Variants in CDON observed in about 807,000 individuals in gnomAD.
CDON encodes the protein cell adhesion associated, oncogene regulated.
Under a neutral mutation model 120.9 loss-of-function variants are expected in CDON, and 73 were observed. The ratio of observed to expected loss-of-function variants is 0.60; its 90% CI spans 0.50 to 0.73. CDON has a LOEUF of 0.73. Among genes scored for constraint, CDON ranks in the 30% least tolerant of loss-of-function variants. The pLI, the probability that CDON is intolerant of heterozygous loss-of-function variation, is 0.00. For synonymous variants in CDON, 566 were observed against 573.5 expected (o/e 0.99, Z 0.19); for missense variants, 1,470 against 1,587.3 (o/e 0.93, Z 1.26).
At position 126,015,379 on chromosome 11, in the gene CDON, G is replaced by A; in HGVS notation, c.1060C>T (p.Pro354Ser). The A allele has an allele frequency of 6.2e-7, 1 of 1,614,168 alleles. No homozygotes were observed. The highest frequency in any genetic ancestry group is 8.5e-7 in the Non-Finnish European group (1 of 1,180,036). The change falls in exon 7 of 20, where the codon CCT (proline) becomes TCT (serine). Residue 354 changes from proline to serine, a missense_variant. Coordinates refer to ENST00000531738, the MANE Select transcript of CDON (RefSeq NM_001378964.1). ...TWFHNAQPIH[P>S]SARHLTAGNG... is the part of the protein sequence containing the mutation. ...CCTGCAGTTAGATGTCGTGCAGAAGGATGAATAGGCTGTGCATTGTGAAAC... is the reference window on the plus strand; with the variant it reads ...CCTGCAGTTAGATGTCGTGCAGAAGAATGAATAGGCTGTGCATTGTGAAAC...
intron 1 of CDON, among the ~76,000 whole-genome samples, chr11:126,049,943 C>T (rs572765213): frequency 6.6e-5 from 10 of 152,254 alleles, no homozygotes; most frequent in African/African-American, 2.4e-4. Flanking sequence ...GGCTTTCATA[C>T]TTCATATTCA....
rs550396479 is a variant in CDON, at chr11:126,045,128, C to T, written c.-62+17451G>A. On this transcript the variant is annotated intron_variant, in intron 1 of 19. Coordinates refer to ENST00000531738, the MANE Select transcript of CDON (RefSeq NM_001378964.1). ...GCAACCTCCGCCTCCAGGGTGCAAGCGATTCTCCTGCCTCAGCCTCCCGAG... is the reference window on the plus strand; with the variant it reads ...GCAACCTCCGCCTCCAGGGTGCAAGTGATTCTCCTGCCTCAGCCTCCCGAG... 2.7e-3 allele frequency among the ~76,000 whole-genome samples: 414 copies of T among 152,298 alleles called. 2 individuals carry two copies. Among genetic ancestry groups the T allele is most frequent in the Non-Finnish European group, 3.7e-3 (255 of 68,032 alleles).
intron 12 of CDON, 147 bp from the exon 13 acceptor site, chr11:125,995,199 G>A: frequency 1.4e-6 from 1 of 734,196 alleles, no homozygotes; most frequent in Non-Finnish European, 2.3e-6. Context: ...AGCCTGTATG[G>A]TAAATAGATT....
At chr11:126,032,670 T>C (rs756045607) in intron 1 of CDON, among the ~76,000 whole-genome samples, 2 of 152,122 alleles carry the variant, frequency 1.3e-5, no homozygotes, top group Non-Finnish European at 2.9e-5. Flanking sequence ...ACGGGATAAA[T>C]TTGAAAGGTT....
chr11:126,017,326 T>C lies in CDON; in HGVS notation c.690A>G (p.Ala230=), dbSNP rs1195993404. ...CAGGGCTACGAGAAAGAACAGCTAATGCCTGTGAATGGGTGGGGTGAAGAA... is the reference window on the plus strand; with the variant it reads ...CAGGGCTACGAGAAAGAACAGCTAACGCCTGTGAATGGGTGGGGTGAAGAA... The part of the protein sequence containing the change: ...VHILHPTHSQ[A]LAVLSRSPVT... The change falls in exon 6 of 20, where the codon GCA becomes GCG. Residue 230 remains alanine, a synonymous_variant. Coordinates refer to ENST00000531738, the MANE Select transcript of CDON (RefSeq NM_001378964.1). 1.2e-6 allele frequency: 2 copies of C among 1,614,134 alleles called. No homozygotes were observed. Among genetic ancestry groups the C allele is most frequent in the East Asian group, 4.5e-5 (2 of 44,876 alleles).
intron 1 of CDON, among the ~76,000 whole-genome samples, chr11:126,025,144 G>A (rs11220317): frequency 0.062 from 9,480 of 152,200 alleles, 360 homozygotes; most frequent in Admixed American, 0.11. Flanking sequence ...GGTGGAGGTT[G>A]CAGTGAGCCA....
At chr11:126,017,460 T>C (rs2134671705) in intron 5 of CDON, 85 bp from the exon 6 acceptor site, 2 of 1,283,584 alleles carry the variant, frequency 1.6e-6, no homozygotes, top group East Asian at 4.7e-5. Flanking sequence ...ATCACCATTT[T>C]CCCATGTATT....
chr11:126,037,496 ATATATTGAGTACC>A (rs1300719835), intron 1 of CDON, among the ~76,000 whole-genome samples: 1 of 152,230 alleles, frequency 6.6e-6, no homozygotes, highest in Non-Finnish European at 1.5e-5. Context: ...TAGAGCAAAA[ATATATTGAGTACC>A]TATATTCAAA....
intron 16 of CDON, 125 bp from the exon 17 acceptor site, chr11:125,981,454 T>G: frequency 1.0e-6 from 1 of 978,674 alleles, no homozygotes; most frequent in Non-Finnish European, 1.5e-6. Flanking sequence ...AGTAAGACAC[T>G]AAAAAGGACA....
chr11:126,001,681 A>G (rs1946948362), intron 11 of CDON, 38 bp downstream of exon 11: 2 of 1,593,620 alleles, frequency 1.3e-6, no homozygotes, highest in Admixed American at 1.7e-5. Flanking sequence ...CAGGTCAGTT[A>G]TATTTGTAAA....
chr11:126,030,683 G>T (rs1947920058), intron 1 of CDON, among the ~76,000 whole-genome samples: 1 of 152,034 alleles, frequency 6.6e-6, no homozygotes. Context: ...GAACTACAAA[G>T]AAAAACTAAA....
intron 1 of CDON, among the ~76,000 whole-genome samples, chr11:126,058,274 T>C (rs1026681433): frequency 6.6e-6 from 1 of 152,178 alleles, no homozygotes; most frequent in African/African-American, 2.4e-5. Flanking sequence ...CCAACAGATA[T>C]ACAGCAGAAC....
chr11:126,000,207 T>G (rs1300506702), intron 11 of CDON, among the ~76,000 whole-genome samples: 4 of 136,376 alleles, frequency 2.9e-5, no homozygotes, highest in Non-Finnish European at 6.4e-5. Flanking sequence ...CACTATACTG[T>G]AATTTTTTTA....
chr11:125,965,579 C>G (rs1169644077), intron 18 of CDON, among the ~76,000 whole-genome samples: 1 of 152,032 alleles, frequency 6.6e-6, no homozygotes, highest in Non-Finnish European at 1.5e-5. Flanking sequence ...CAGCGTCTGC[C>G]AAGGAGAAAA....
chr11:125,972,602 T>C (rs1036976856), intron 18 of CDON, among the ~76,000 whole-genome samples: 24 of 152,106 alleles, frequency 1.6e-4, no homozygotes, highest in African/African-American at 5.6e-4. Context: ...CATCATACTC[T>C]CATTTACATA....
chr11:125,997,184 A>G lies in CDON; in HGVS notation c.2362+23T>C, dbSNP rs758486613. Reference sequence around the variant, plus strand: ...ATCTAAAGTTCACATCGATGGTAAAAGGAAACGTTTGAATATTACTACCTG... The same window carrying G: ...ATCTAAAGTTCACATCGATGGTAAAGGGAAACGTTTGAATATTACTACCTG... On this transcript the variant is annotated intron_variant, in intron 12 of 19. Coordinates refer to ENST00000531738, the MANE Select transcript of CDON (RefSeq NM_001378964.1). 12 of 1,540,838 alleles carry G rather than the reference A, an allele frequency of 7.8e-6. No homozygotes were observed. The South Asian group carries it at 1.2e-4, about 16-fold the overall frequency.
chr11:126,031,513 A>C (rs1041547926), intron 1 of CDON, among the ~76,000 whole-genome samples: 1 of 152,186 alleles, frequency 6.6e-6, no homozygotes, highest in Non-Finnish European at 1.5e-5. Flanking sequence ...GTCACGTAGA[A>C]AAAAGTGAAT....
At chr11:126,000,131 CA>C (rs1367194355) in intron 11 of CDON, among the ~76,000 whole-genome samples, 1 of 152,136 alleles carries the variant, frequency 6.6e-6, no homozygotes, top group African/African-American at 2.4e-5. Context: ...CATAAGCAAT[CA>C]AAATTGTTAT....
At chr11:126,043,581 C>T (rs1411901025) in intron 1 of CDON, among the ~76,000 whole-genome samples, 1 of 152,134 alleles carries the variant, frequency 6.6e-6, no homozygotes, top group Non-Finnish European at 1.5e-5. Flanking sequence ...GTATTATTTC[C>T]ATTTTACAAA....
Sources: allele counts gnomAD v4.1 joint callset (sites outside exome capture counted in the v4.1 genomes callset), GRCh38; gene constraint gnomAD v4.1.1; transcripts MANE v1.5; gene names NCBI Gene and HGNC (gene_info 2026-07-23, HGNC 2026-07-21).